The following FBXO4 variants were observed in gnomAD, a reference collection of about 807,000 sequenced individuals.
The protein encoded by FBXO4 is F-box protein 4, also known as F-box only protein 4.
In FBXO4, 36 loss-of-function variants were observed where a neutral mutation model predicts 43.7. The ratio of observed to expected loss-of-function variants is 0.82; its 90% confidence interval spans 0.63 to 1.09. The LOEUF (loss-of-function observed/expected upper bound fraction) is 1.09. Ranked by LOEUF, FBXO4 falls within the 50% of genes least tolerant of loss-of-function variation. The pLI, the probability that FBXO4 is intolerant of heterozygous loss-of-function variation, is 0.00. For synonymous variants in FBXO4, 180 were observed against 165.6 expected, an observed-to-expected ratio of 1.09 and a Z score of -0.67; for missense variants, 435 against 474.1, an observed-to-expected ratio of 0.92 and a Z score of 0.77.
chr5:41,946,766 C>A, the FBXO4 span, among the ~76,000 whole-genome samples: 1 of 152,150 alleles, frequency 6.6e-6, no homozygotes, highest in Non-Finnish European at 1.5e-5. Flanking sequence ...CTATCCATAG[C>A]ATTAAAATTC....
At chr5:42,028,533 A>G in the FBXO4 span, among the ~76,000 whole-genome samples, 16 of 151,736 alleles carry the variant, frequency 1.1e-4, no homozygotes, top group African/African-American at 3.6e-4. Context: ...CAATGTTACT[A>G]TTGAGAAGTA....
the FBXO4 span, among the ~76,000 whole-genome samples, chr5:42,025,110 TTG>T: frequency 6.7e-6 from 1 of 148,266 alleles, no homozygotes; most frequent in African/African-American, 2.6e-5. Context: ...ATTTTTTGTT[TTG>T]TTTTTTTAGA....
At chr5:42,030,671 A>G in the FBXO4 span, among the ~76,000 whole-genome samples, 1 of 151,618 alleles carries the variant, frequency 6.6e-6, no homozygotes, top group African/African-American at 2.4e-5. Context: ...TGAACAGGCA[A>G]CCTACAAAAT....
the FBXO4 span, among the ~76,000 whole-genome samples, chr5:42,022,140 T>C: frequency 3.3e-5 from 5 of 152,150 alleles, no homozygotes; most frequent in African/African-American, 4.8e-5. Context: ...AGGTCCACTG[T>C]GTGCAGCAGA....
the FBXO4 span, among the ~76,000 whole-genome samples, chr5:42,035,417 G>A: frequency 1.0e-3 from 152 of 152,236 alleles, no homozygotes; most frequent in Non-Finnish European, 1.6e-3. Flanking sequence ...CAAAGGGAAT[G>A]CTTCCAGCAT....
At chr5:41,952,792 C>T in the FBXO4 span, among the ~76,000 whole-genome samples, 1 of 151,904 alleles carries the variant, frequency 6.6e-6, no homozygotes, top group Non-Finnish European at 1.5e-5. Context: ...CTATTCTTTT[C>T]TTCTTTGTCT....
chr5:41,948,830 G>A, the FBXO4 span, among the ~76,000 whole-genome samples: 5 of 151,920 alleles, frequency 3.3e-5, no homozygotes, highest in South Asian at 2.1e-4. Flanking sequence ...ACAAAATCTC[G>A]CTGTTTCTGT....
chr5:42,012,161 A>C, the FBXO4 span, among the ~76,000 whole-genome samples: 1 of 152,174 alleles, frequency 6.6e-6, no homozygotes, highest in African/African-American at 2.4e-5. Context: ...AGCAATTGTC[A>C]GTAATTAGAC....
chr5:41,959,849 T>C, the FBXO4 span, among the ~76,000 whole-genome samples: 1 of 152,182 alleles, frequency 6.6e-6, no homozygotes, highest in Non-Finnish European at 1.5e-5. Context: ...ATTCAGTCTT[T>C]TGTGGTTTCA....
the FBXO4 span, among the ~76,000 whole-genome samples, chr5:42,029,941 T>TCAATGAAACAAAAGAGGATA: frequency 6.6e-6 from 1 of 152,034 alleles, no homozygotes; most frequent in East Asian, 1.9e-4. Context: ...AAACCACTGC[T>TCAATGAAACAAAAGAGGATA]CAATGAAACA....
rs545854333 is a variant in FBXO4, at chr5:41,931,056, A to G, written c.646+1139A>G. On this transcript the variant is annotated intron_variant, in intron 3 of 6. Coordinates refer to ENST00000281623, the MANE Select transcript of FBXO4 (RefSeq NM_012176.3). The stretch of plus-strand genomic sequence containing the variant: ...AGTGGAGCTATGTGAAAAGACACAT[A>G]TGTACCATGCTTAAGCATTTGGGAG... 3.9e-5 allele frequency among the ~76,000 whole-genome samples: 6 copies of G among 152,192 alleles called. No individual in the cohort carries two copies. The South Asian group carries it at 1.2e-3, about 31-fold the overall frequency.
chr5:42,008,324 C>G, the FBXO4 span, among the ~76,000 whole-genome samples: 17 of 152,234 alleles, frequency 1.1e-4, no homozygotes, highest in African/African-American at 4.1e-4. Context: ...TTTTAGGGAG[C>G]TAGACATACC....
At chr5:41,926,564 CTG>C (rs773575445) in intron 1 of FBXO4, among the ~76,000 whole-genome samples, 1 of 152,160 alleles carries the variant, frequency 6.6e-6, no homozygotes, top group Non-Finnish European at 1.5e-5. Flanking sequence ...CAGAGCGAGA[CTG>C]TGTCTCAAAA....
the FBXO4 span, among the ~76,000 whole-genome samples, chr5:41,969,124 C>T: frequency 6.6e-6 from 1 of 152,178 alleles, no homozygotes; most frequent in Non-Finnish European, 1.5e-5. Context: ...CATTTGTTGA[C>T]ATACGGTCAG....
At chr5:42,009,014 G>A in the FBXO4 span, among the ~76,000 whole-genome samples, 1 of 152,166 alleles carries the variant, frequency 6.6e-6, no homozygotes, top group Non-Finnish European at 1.5e-5. Context: ...ATGGTAGATA[G>A]GATGGAGGTT....
At chr5:41,940,111 A>G (rs2112588546) in intron 6 of FBXO4, among the ~76,000 whole-genome samples, 1 of 151,950 alleles carries the variant, frequency 6.6e-6, no homozygotes, top group East Asian at 1.9e-4. Context: ...TCGGCCTCCC[A>G]AAGTGCTGGG....
the FBXO4 span, among the ~76,000 whole-genome samples, chr5:41,973,211 TAAAC>T: frequency 6.6e-6 from 1 of 152,086 alleles, no homozygotes; most frequent in Non-Finnish European, 1.5e-5. Context: ...ATTAGGAACT[TAAAC>T]AATAAGCAAA....
chr5:42,037,082 CTT>C, the FBXO4 span, among the ~76,000 whole-genome samples: 22 of 152,204 alleles, frequency 1.4e-4, 1 homozygote, highest in East Asian at 4.1e-3. Flanking sequence ...AACCTAAAGA[CTT>C]TATTTTTGCA....
At chr5:41,944,172 C>G (rs1045234975), downstream of FBXO4, among the ~76,000 whole-genome samples, 7 of 152,158 alleles carry the variant, frequency 4.6e-5, no homozygotes, top group Admixed American at 2.0e-4. Context: ...TATTTTGTAA[C>G]GATCTCAGGC....
Sources: gnomAD v4.1 joint callset for allele counts (sites outside exome capture counted in the v4.1 genomes callset) on GRCh38, gnomAD v4.1.1 for gene constraint, MANE v1.5 for transcripts, NCBI Gene and HGNC (gene_info 2026-07-23, HGNC 2026-07-21) for gene names.